The following TRAPPC9 variants were observed in gnomAD, a reference collection of about 807,000 sequenced individuals.
TRAPPC9 encodes IKK2 binding protein.
TRAPPC9 carries 83 observed loss-of-function variants against 124.0 expected under a neutral mutation model. The ratio of observed to expected loss-of-function variants is 0.67; its 90% CI spans 0.56 to 0.80. TRAPPC9 has a LOEUF of 0.80. TRAPPC9 is among the 30% of genes least tolerant of loss of function. The pLI is 0.00. For synonymous variants in TRAPPC9, 638 were observed against 617.5 expected, an observed-to-expected ratio of 1.03 and a Z score of -0.49; for missense variants, 1,302 against 1,508.3, an observed-to-expected ratio of 0.86 and a Z score of 2.27.
chr8:140,229,498 G>A (rs761714922), intron 16 of TRAPPC9, among the ~76,000 whole-genome samples: 9 of 151,518 alleles, frequency 5.9e-5, no homozygotes, highest in Admixed American at 3.9e-4. Flanking sequence ...ACTCCTGACC[G>A]ACCTCGTGAT....
intron 17 of TRAPPC9, among the ~76,000 whole-genome samples, chr8:140,215,487 CA>C (rs1458996197): frequency 6.7e-6 from 1 of 149,876 alleles, no homozygotes; most frequent in Non-Finnish European, 1.5e-5. Flanking sequence ...TACTAAAATA[CA>C]AAAAAAAATG....
intron 7 of TRAPPC9, among the ~76,000 whole-genome samples, chr8:140,387,883 G>A (rs536943216): frequency 4.6e-5 from 7 of 152,196 alleles, no homozygotes; most frequent in East Asian, 1.9e-4. Flanking sequence ...GGTATATACC[G>A]AAAGGATTAT....
chr8:140,055,979 A>G (rs529482946), intron 17 of TRAPPC9, among the ~76,000 whole-genome samples: 1 of 152,318 alleles, frequency 6.6e-6, no homozygotes, highest in East Asian at 1.9e-4. Context: ...TTTTTTAACA[A>G]AATTACAGAA....
intron 21 of TRAPPC9, among the ~76,000 whole-genome samples, chr8:139,805,192 A>G (rs770159351): frequency 1.5e-4 from 23 of 152,160 alleles, no homozygotes; most frequent in Non-Finnish European, 2.1e-4. Flanking sequence ...GACCCCCTGG[A>G]TGTGGAGTAG....
chr8:139,963,995 C>T (rs1460557941), intron 19 of TRAPPC9, among the ~76,000 whole-genome samples: 1 of 151,948 alleles, frequency 6.6e-6, no homozygotes, highest in African/African-American at 2.4e-5. Context: ...GAGGCCGAGG[C>T]GGGTGGATCA....
intron 21 of TRAPPC9, among the ~76,000 whole-genome samples, chr8:139,864,288 C>T (rs976044040): frequency 3.3e-5 from 5 of 152,170 alleles, no homozygotes; most frequent in African/African-American, 1.2e-4. Flanking sequence ...TCTCTTTCCA[C>T]GTCCGTCCTT....
At position 140,382,904 on chromosome 8, in the gene TRAPPC9, G is replaced by A. The variant is rs1411984207; in HGVS notation, c.1135-11724C>T. 2.0e-5 allele frequency among the ~76,000 whole-genome samples: 3 copies of A among 152,226 alleles called. No homozygotes were observed. The East Asian group carries it at 5.8e-4, about 29-fold the overall frequency. Reference sequence around the variant, plus strand: ...CCCCAAGTAGCCTAACTTGGGGGGAGGCACCCCCCAGTAGGAACAGACTGA... The same window carrying A: ...CCCCAAGTAGCCTAACTTGGGGGGAAGCACCCCCCAGTAGGAACAGACTGA... On this transcript the variant is annotated intron_variant, in intron 7 of 22. Coordinates refer to ENST00000438773, the MANE Select transcript of TRAPPC9 (RefSeq NM_001160372.4).
At chr8:140,280,762 AC>A (rs1473637182) in intron 14 of TRAPPC9, among the ~76,000 whole-genome samples, 1 of 152,004 alleles carries the variant, frequency 6.6e-6, no homozygotes, top group Non-Finnish European at 1.5e-5. Flanking sequence ...CACTTGCAGC[AC>A]CCCAAAGAGA....
chr8:139,741,049 G>A (rs527933322), intron 21 of TRAPPC9, among the ~76,000 whole-genome samples: 3 of 152,310 alleles, frequency 2.0e-5, no homozygotes, highest in African/African-American at 7.2e-5. Context: ...CCCAAGAGGA[G>A]GGTGGAGGAT....
At chr8:140,443,901 T>C in intron 2 of TRAPPC9, among the ~76,000 whole-genome samples, 1 of 151,514 alleles carries the variant, frequency 6.6e-6, no homozygotes. Context: ...CCAGGCGTGG[T>C]GGCGGGCTCC....
intron 7 of TRAPPC9, among the ~76,000 whole-genome samples, chr8:140,385,789 A>C (rs1160007882): frequency 6.6e-6 from 1 of 152,238 alleles, no homozygotes; most frequent in Non-Finnish European, 1.5e-5. Flanking sequence ...TCAATAGAAA[A>C]AGAGGGAATC....
At chr8:139,755,322 C>T (rs372948050) in intron 21 of TRAPPC9, among the ~76,000 whole-genome samples, 1 of 148,906 alleles carries the variant, frequency 6.7e-6, no homozygotes, top group East Asian at 2.0e-4. Flanking sequence ...GACAGCAGGT[C>T]GCAGGAAGAG....
chr8:140,152,782 G>A lies in TRAPPC9; in HGVS notation c.2556+68677C>T, dbSNP rs545458152. On this transcript the variant is annotated intron_variant, in intron 17 of 22. Coordinates refer to ENST00000438773, the MANE Select transcript of TRAPPC9 (RefSeq NM_001160372.4). Reference sequence around the variant, plus strand: ...TGTTTTTATGGTGGTCAGTTTACAAGTCTTGCAATTCTTTTTGTTAGGTTT... The same window carrying A: ...TGTTTTTATGGTGGTCAGTTTACAAATCTTGCAATTCTTTTTGTTAGGTTT... 3.3e-5 allele frequency among the ~76,000 whole-genome samples: 5 copies of A among 152,206 alleles called. No homozygotes were observed. The East Asian group carries it at 9.6e-4, about 29-fold the overall frequency.
chr8:140,243,505 G>T (rs997542528), intron 16 of TRAPPC9, among the ~76,000 whole-genome samples: 2 of 152,234 alleles, frequency 1.3e-5, no homozygotes, highest in Non-Finnish European at 2.9e-5. Flanking sequence ...TTTGATGAAT[G>T]AATGTTTAGT....
intron 16 of TRAPPC9, among the ~76,000 whole-genome samples, chr8:140,228,024 C>G (rs2063495635): frequency 6.6e-6 from 1 of 152,224 alleles, no homozygotes; most frequent in Non-Finnish European, 1.5e-5. Context: ...ATCACTGGGT[C>G]AAAACTGTAC....
intron 17 of TRAPPC9, among the ~76,000 whole-genome samples, chr8:140,187,237 T>C (rs898464684): frequency 6.6e-6 from 1 of 152,194 alleles, no homozygotes; most frequent in South Asian, 2.1e-4. Context: ...TGACTTGTCA[T>C]ATACACAGGT....
At chr8:140,047,061 T>C (rs1033751794) in intron 17 of TRAPPC9, among the ~76,000 whole-genome samples, 1 of 152,236 alleles carries the variant, frequency 6.6e-6, no homozygotes, top group African/African-American at 2.4e-5. Context: ...TGAGGTGTCC[T>C]GGAAGGGAGG....
At chr8:139,991,758 G>A (rs1837666598) in intron 18 of TRAPPC9, among the ~76,000 whole-genome samples, 1 of 151,970 alleles carries the variant, frequency 6.6e-6, no homozygotes, top group African/African-American at 2.4e-5. Flanking sequence ...GCTATTTTGG[G>A]AATCTGTAGT....
chr8:139,993,073 AT>A (rs1433286199), intron 18 of TRAPPC9, among the ~76,000 whole-genome samples: 1 of 152,216 alleles, frequency 6.6e-6, no homozygotes, highest in Non-Finnish European at 1.5e-5. Context: ...AAAATTAAGA[AT>A]TTTGGTACAA....
Sources: gnomAD v4.1 joint callset for allele counts (sites outside exome capture counted in the v4.1 genomes callset) on GRCh38, gnomAD v4.1.1 for gene constraint, MANE v1.5 for transcripts, NCBI Gene and HGNC (gene_info 2026-07-23, HGNC 2026-07-21) for gene names.